The following ABHD17B variants were observed in gnomAD, a reference collection of about 807,000 sequenced individuals.
ABHD17B encodes the protein abhydrolase domain containing 17B, depalmitoylase.
In ABHD17B, 9 loss-of-function variants were observed where a neutral mutation model predicts 26.2. The ratio of observed to expected loss-of-function variants is 0.34; its 90% confidence interval spans 0.21 to 0.60. The LOEUF (loss-of-function observed/expected upper bound fraction) is 0.60, where lower values mean the gene tolerates loss of function less well. ABHD17B is among the 20% of genes least tolerant of loss of function. ABHD17B has a pLI of 0.80. For synonymous variants in ABHD17B, 127 were observed against 122.3 expected (o/e 1.04, Z -0.25); for missense variants, 224 against 352.1 (o/e 0.64, Z 2.91).
At chr9:71,903,226 TG>T (rs1471175037) in intron 1 of ABHD17B, among the ~76,000 whole-genome samples, 1 of 152,110 alleles carries the variant, frequency 6.6e-6, no homozygotes, top group Non-Finnish European at 1.5e-5. Context: ...TACCTATTTA[TG>T]GGGTACATGT....
chr9:71,866,587 C>T lies in ABHD17B; in HGVS notation c.*200G>A. The T allele has an allele frequency of 7.2e-7, 1 of 1,385,784 alleles. No individual in the cohort carries two copies. The highest frequency in any genetic ancestry group is 9.3e-7 in the Non-Finnish European group (1 of 1,072,672). The allele number at this position is 1,385,784 out of a possible 1,614,324, so 85.8% of individuals were successfully genotyped here. A position where few individuals can be genotyped will look rare whatever the true frequency, so the allele number is the denominator to read the frequency against. ...CACAGAAAAAATATAAATTACACAG[C>T]CTGACTGCACGGTACTGTTATTTCC... On this transcript the variant is annotated 3_prime_UTR_variant, in exon 4 of 4. Transcript: ENST00000333421.
rs1251766252 is a variant in ABHD17B at position 71,911,052 on chromosome 9, G to C, written c.-422C>G. The C allele has an allele frequency of 6.5e-6, 1 of 153,372 alleles. No homozygotes were observed. The highest frequency in any genetic ancestry group is 1.5e-5 in the Non-Finnish European group (1 of 68,430). 9.5% of individuals were successfully genotyped at this position (153,372 alleles called of 1,614,324 possible). A position where few individuals can be genotyped will look rare whatever the true frequency, so the allele number is the denominator to read the frequency against. On this transcript the variant is annotated 5_prime_UTR_variant, in exon 1 of 4. Coordinates refer to ENST00000333421, the MANE Select transcript of ABHD17B (RefSeq NM_001025780.3). ...GCAGACGCCACCCAGACCTAGCCAGGTCTTCCTTCTCTTTAATCCTGCTTT... is the reference window on the plus strand; with the variant it reads ...GCAGACGCCACCCAGACCTAGCCAGCTCTTCCTTCTCTTTAATCCTGCTTT...
chr9:71,868,365 AG>A (rs1234448705), intron 3 of ABHD17B, among the ~76,000 whole-genome samples: 1 of 152,234 alleles, frequency 6.6e-6, no homozygotes, highest in African/African-American at 2.4e-5. Context: ...ACATATAAGC[AG>A]GCAACCAAGA....
At chr9:71,862,571 C>T (rs1825854847), downstream of ABHD17B, 1 of 1,566,092 alleles carries the variant, frequency 6.4e-7, no homozygotes, top group African/African-American at 1.4e-5. Context: ...AACTGTAGAC[C>T]TTGAGAAAAT....
intron 1 of ABHD17B, among the ~76,000 whole-genome samples, chr9:71,878,906 AACACTTTGG>A (rs1826358706): frequency 6.6e-6 from 1 of 152,214 alleles, no homozygotes; most frequent in East Asian, 1.9e-4. Context: ...CTATAATCCC[AACACTTTGG>A]GAGGCCGAGG....
chr9:71,865,467 T>A lies in ABHD17B; in HGVS notation c.*1320A>T. 1 of 982,868 alleles carries A rather than the reference T, an allele frequency of 1.0e-6. No individual in the cohort carries two copies. Among genetic ancestry groups the A allele is most frequent in the Non-Finnish European group, 1.2e-6 (1 of 827,574 alleles). 60.9% of individuals were successfully genotyped at this position (982,868 alleles called of 1,614,324 possible). A position where few individuals can be genotyped will look rare whatever the true frequency, so the allele number is the denominator to read the frequency against. The stretch of plus-strand genomic sequence containing the variant: ...AGCTTTATTTTTTTACTATATTGGT[T>A]AATATAAAAGTTATGAATTAAACGT... On this transcript the variant is annotated 3_prime_UTR_variant, in exon 4 of 4. Coordinates refer to ENST00000333421, the MANE Select transcript of ABHD17B (RefSeq NM_001025780.3).
chr9:71,866,779 A>G lies in ABHD17B; in HGVS notation c.*8T>C, dbSNP rs1307020195. On this transcript the variant is annotated 3_prime_UTR_variant, in exon 4 of 4. Transcript: ENST00000333421. ...AAGGAAAACCCAGTAGCAAATTTACAGAATATTTTACAAATTTACCAGTTC... is the reference window on the plus strand; with the variant it reads ...AAGGAAAACCCAGTAGCAAATTTACGGAATATTTTACAAATTTACCAGTTC... 2 of 1,613,804 alleles carry G rather than the reference A, an allele frequency of 1.2e-6. No individual in the cohort carries two copies. Among genetic ancestry groups the G allele is most frequent in the Non-Finnish European group, 1.7e-6 (2 of 1,179,814 alleles).
chr9:71,904,859 A>C (rs1827239043), intron 1 of ABHD17B, among the ~76,000 whole-genome samples: 1 of 152,196 alleles, frequency 6.6e-6, no homozygotes, highest in Non-Finnish European at 1.5e-5. Context: ...CTTAACATAA[A>C]AAATTACCTA....
intron 1 of ABHD17B, among the ~76,000 whole-genome samples, chr9:71,882,595 T>C (rs1160375280): frequency 6.6e-6 from 1 of 151,028 alleles, no homozygotes; most frequent in African/African-American, 2.4e-5. Flanking sequence ...GAGGCGGAGG[T>C]TGCAGTGAGC....
chr9:71,864,122 G>A (rs1825891206), downstream of ABHD17B, among the ~76,000 whole-genome samples: 1 of 151,120 alleles, frequency 6.6e-6, no homozygotes, highest in African/African-American at 2.4e-5. Flanking sequence ...TTCTATCAAT[G>A]GCCTATTTGT....
intron 1 of ABHD17B, among the ~76,000 whole-genome samples, chr9:71,903,074 A>G (rs1827188994): frequency 6.6e-6 from 1 of 152,172 alleles, no homozygotes; most frequent in African/African-American, 2.4e-5. Flanking sequence ...CTACCCTTTT[A>G]ATGTGACTAC....
chr9:71,865,745 C>T lies in ABHD17B; in HGVS notation c.*1042G>A. On this transcript the variant is annotated 3_prime_UTR_variant, in exon 4 of 4. Coordinates refer to ENST00000333421, the MANE Select transcript of ABHD17B (RefSeq NM_001025780.3). ...GCGTGGTGGCAAGCATCTGTAATACCAGCTACTCAGGAGGCTGAGGCAGGA... is the reference window on the plus strand; with the variant it reads ...GCGTGGTGGCAAGCATCTGTAATACTAGCTACTCAGGAGGCTGAGGCAGGA... The T allele has an allele frequency of 1.7e-6, 1 of 592,626 alleles. No homozygotes were observed. Among genetic ancestry groups the T allele is most frequent in the African/African-American group, 2.0e-5 (1 of 49,418 alleles). 36.7% of individuals were successfully genotyped at this position (592,626 alleles called of 1,614,324 possible).
At chr9:71,898,466 T>C (rs1173440379) in intron 1 of ABHD17B, among the ~76,000 whole-genome samples, 1 of 140,620 alleles carries the variant, frequency 7.1e-6, no homozygotes, top group East Asian at 2.1e-4. Context: ...ACTCCATCTC[T>C]ACTAAAAAAA....
At chr9:71,875,184 A>C (rs1406388185) in intron 1 of ABHD17B, 101 bp from the exon 2 acceptor site, 1 of 893,376 alleles carries the variant, frequency 1.1e-6, no homozygotes. Context: ...TTGGTGGTTA[A>C]TGACTATTAC....
chr9:71,880,761 T>C (rs533788554), intron 1 of ABHD17B, among the ~76,000 whole-genome samples: 5 of 152,056 alleles, frequency 3.3e-5, no homozygotes, highest in African/African-American at 9.6e-5. Flanking sequence ...AAAACCTTTA[T>C]GCAGAAAAAT....
downstream of ABHD17B, among the ~76,000 whole-genome samples, chr9:71,864,089 T>TCTTG (rs1825890319): frequency 1.3e-5 from 2 of 152,090 alleles, no homozygotes; most frequent in South Asian, 2.1e-4. Context: ...TCATCTATAC[T>TCTTG]CTTGACAAGT....
intron 1 of ABHD17B, among the ~76,000 whole-genome samples, chr9:71,901,480 G>A (rs893344394): frequency 6.6e-6 from 1 of 151,776 alleles, no homozygotes; most frequent in Non-Finnish European, 1.5e-5. Context: ...TTCAATCTTG[G>A]TTTCTCTGAT....
At chr9:71,862,538 G>T (rs778492903), downstream of ABHD17B, 7 of 1,575,078 alleles carry the variant, frequency 4.4e-6, no homozygotes, top group Admixed American at 5.4e-5. Flanking sequence ...GAAGATAATG[G>T]AATACATAGT....
At chr9:71,868,502 G>T (rs1826022022) in intron 3 of ABHD17B, among the ~76,000 whole-genome samples, 1 of 151,982 alleles carries the variant, frequency 6.6e-6, no homozygotes, top group Non-Finnish European at 1.5e-5. Context: ...TTAGAGAAAG[G>T]TATTATAATA....
Sources: gnomAD v4.1 joint callset for allele counts (sites outside exome capture counted in the v4.1 genomes callset) on GRCh38, gnomAD v4.1.1 for gene constraint, MANE v1.5 for transcripts, NCBI Gene and HGNC (gene_info 2026-07-23, HGNC 2026-07-21) for gene names.